The following LONP2 variants were observed in gnomAD, a reference collection of about 807,000 sequenced individuals.
LONP2 encodes the protein lon protease homolog 2, peroxisomal.
Under a neutral mutation model 85.6 loss-of-function variants are expected in LONP2, and 60 were observed. The observed-to-expected ratio is 0.70, with a 90% confidence interval of 0.57 to 0.87. LONP2 has a LOEUF of 0.87. Among genes scored for constraint, LONP2 ranks in the 40% least tolerant of loss-of-function variants. LONP2 has a pLI of 0.00. For synonymous variants in LONP2, 395 were observed against 389.7 expected, an observed-to-expected ratio of 1.01 and a Z score of -0.16; for missense variants, 860 against 1,063.5, an observed-to-expected ratio of 0.81 and a Z score of 2.66.
chr16:48,352,106 G>A lies in LONP2; in HGVS notation c.*304G>A, dbSNP rs1960170443. The A allele has an allele frequency of 3.5e-6, 1 of 289,504 alleles. No homozygotes were observed. 17.9% of individuals were successfully genotyped at this position (289,504 alleles called of 1,614,324 possible). Reference sequence around the variant, plus strand: ...AAGCATCTGTAGTACCTGGTAACTTGTTAGAAATGTACATTCTCAGGCTCC... The same window carrying A: ...AAGCATCTGTAGTACCTGGTAACTTATTAGAAATGTACATTCTCAGGCTCC... On this transcript the variant is annotated 3_prime_UTR_variant, in exon 15 of 15. Coordinates refer to ENST00000285737, the MANE Select transcript of LONP2 (RefSeq NM_031490.5).
chr16:48,298,315 A>C (rs1359957448), intron 9 of LONP2, among the ~76,000 whole-genome samples: 1 of 152,174 alleles, frequency 6.6e-6, no homozygotes, highest in African/African-American at 2.4e-5. Context: ...ATTAGTTGGA[A>C]TTTTGTCTTA....
intron 2 of LONP2, among the ~76,000 whole-genome samples, chr16:48,254,204 A>G (rs1971709750): frequency 6.6e-6 from 1 of 152,142 alleles, no homozygotes; most frequent in African/African-American, 2.4e-5. Context: ...GACCGTTTGC[A>G]ACTTGTCTTG....
At chr16:48,343,962 A>C (rs990876899) in intron 12 of LONP2, 1 of 152,232 alleles carries the variant, frequency 6.6e-6, no homozygotes, top group African/African-American at 2.4e-5. Flanking sequence ...CTAGACTTCA[A>C]GTCTAGGCCT....
downstream of LONP2, among the ~76,000 whole-genome samples, chr16:48,358,828 A>T (rs940196962): frequency 2.6e-5 from 4 of 152,220 alleles, no homozygotes; most frequent in African/African-American, 9.6e-5. Flanking sequence ...ACATACACAT[A>T]AAAAAAACTG....
chr16:48,344,091 A>G (rs1423015560), intron 12 of LONP2: 1 of 152,224 alleles, frequency 6.6e-6, no homozygotes, highest in Non-Finnish European at 1.5e-5. Flanking sequence ...TTGCTATAAA[A>G]CACAAATTGT....
chr16:48,254,117 C>T (rs16946035), intron 2 of LONP2, among the ~76,000 whole-genome samples: 1,864 of 152,254 alleles, frequency 0.012, 40 homozygotes, highest in African/African-American at 0.042. Flanking sequence ...TAAAAGAAGT[C>T]TGGGGCATCC....
chr16:48,343,317 A>G (rs1477585396), intron 12 of LONP2, among the ~76,000 whole-genome samples: 1 of 152,186 alleles, frequency 6.6e-6, no homozygotes, highest in Non-Finnish European at 1.5e-5. Flanking sequence ...AAATATCACT[A>G]TTTTTAGTTA....
At chr16:48,285,459 G>T (rs1166806211) in intron 8 of LONP2, among the ~76,000 whole-genome samples, 1 of 151,804 alleles carries the variant, frequency 6.6e-6, no homozygotes, top group Non-Finnish European at 1.5e-5. Context: ...TCTGAAACTC[G>T]TATTATGGTG....
chr16:48,351,449 T>G (rs1459755413), intron 14 of LONP2, 132 bp from the exon 15 acceptor site: 2 of 698,420 alleles, frequency 2.9e-6, no homozygotes, highest in Admixed American at 5.8e-5. Context: ...TAGCTCATGC[T>G]ATAACAAAAC....
chr16:48,274,106 A>G (rs537643746), intron 7 of LONP2, among the ~76,000 whole-genome samples: 9 of 152,186 alleles, frequency 5.9e-5, no homozygotes, highest in Non-Finnish European at 1.3e-4. Flanking sequence ...TTACATTTGC[A>G]TGTAGCTCTT....
intron 11 of LONP2, among the ~76,000 whole-genome samples, chr16:48,311,926 G>T (rs1973039527): frequency 6.6e-6 from 1 of 151,070 alleles, no homozygotes; most frequent in Non-Finnish European, 1.5e-5. Flanking sequence ...ACTGTGCCCT[G>T]CCCCTGACAG....
rs1486973408 is a variant in LONP2, at chr16:48,246,856, G to A, written c.233+2235G>A. On this transcript the variant is annotated intron_variant, in intron 1 of 14. Coordinates refer to ENST00000285737, the MANE Select transcript of LONP2 (RefSeq NM_031490.5). ...CTGGAGTAGCTGGGACTATAGGCAA[G>A]CGCCACCATACCCTTCAGGTTTTTA... Among the ~76,000 whole-genome samples the A allele has an allele frequency of 2.6e-5, 4 of 152,158 alleles. No homozygotes were observed. In the South Asian group the frequency reaches 8.3e-4, roughly 32 times the overall value.
intron 3 of LONP2, among the ~76,000 whole-genome samples, chr16:48,257,613 TA>T (rs1971786377): frequency 6.6e-6 from 1 of 152,246 alleles, no homozygotes; most frequent in African/African-American, 2.4e-5. Flanking sequence ...ATTTTTAAGA[TA>T]TTTTTAAAGC....
chr16:48,262,825 A>C lies in LONP2; in HGVS notation c.935A>C (p.Asn312Thr). 6.2e-7 allele frequency: 1 copy of C among 1,612,628 alleles called. No homozygotes were observed. Among genetic ancestry groups the C allele is most frequent in the Non-Finnish European group, 8.5e-7 (1 of 1,179,272 alleles). ...ATGCCAGAATATGCTCTGACTAGAA[A>C]TTATTTGGAACTTATGGTAGAACTT... ...QSMPEYALTRNYLELMVELPW... is the reference protein window; with the variant it reads ...QSMPEYALTRTYLELMVELPW... The change falls in exon 6 of 15, where the codon AAT (asparagine) becomes ACT (threonine). Residue 312 changes from asparagine (N) to threonine (T), a missense_variant. Around this residue, in one of 3 missense-constraint regions of LONP2, gnomAD observed 743 missense variants for 917.3 expected, o/e 0.81. Coordinates refer to ENST00000285737, the MANE Select transcript of LONP2 (RefSeq NM_031490.5).
In LONP2 at chr16:48,258,600, T is replaced by C; in HGVS notation, c.601-18T>C. 1.3e-6 allele frequency: 2 copies of C among 1,583,770 alleles called. No individual in the cohort carries two copies. Among genetic ancestry groups the C allele is most frequent in the Non-Finnish European group, 1.7e-6 (2 of 1,169,576 alleles). ...TGTTTCTGAGAGAGATCCTATTGAT[T>C]GACTCACATTTCCTTAGATTTTAGA... On this transcript the variant is annotated intron_variant, in intron 3 of 14. Transcript: ENST00000285737.
intron 1 of LONP2, among the ~76,000 whole-genome samples, chr16:48,249,600 G>A (rs1247805150): frequency 6.6e-6 from 1 of 152,122 alleles, no homozygotes; most frequent in East Asian, 1.9e-4. Context: ...TCTAGGCTGG[G>A]CGAGGTGGGT....
chr16:48,246,923 T>A (rs1415109756), intron 1 of LONP2, among the ~76,000 whole-genome samples: 1 of 119,284 alleles, frequency 8.4e-6, no homozygotes, highest in Non-Finnish European at 1.7e-5. Context: ...AATCCTCAAT[T>A]CTCCTGCTTG....
At chr16:48,328,035 G>T (rs1472585398) in intron 11 of LONP2, among the ~76,000 whole-genome samples, 1 of 152,126 alleles carries the variant, frequency 6.6e-6, no homozygotes, top group Non-Finnish European at 1.5e-5. Context: ...GTGAGAATAT[G>T]TGAGTCATAG....
At chr16:48,265,671 G>A (rs1374095551) in intron 6 of LONP2, among the ~76,000 whole-genome samples, 1 of 152,120 alleles carries the variant, frequency 6.6e-6, no homozygotes, top group Non-Finnish European at 1.5e-5. Flanking sequence ...CTCCACGTTT[G>A]TTCTTGCTCA....
Sources: gnomAD v4.1 joint callset for allele counts (sites outside exome capture counted in the v4.1 genomes callset) on GRCh38, gnomAD v4.1.1 for gene constraint, gnomAD v4.1.1 regional missense constraint, MANE v1.5 for transcripts, NCBI Gene and HGNC (gene_info 2026-07-23, HGNC 2026-07-21) for gene names.